C22orf31: variants seen among roughly 807,000 people sequenced by gnomAD.
The protein encoded by C22orf31 is chromosome 22 open reading frame 31, also known as uncharacterized protein C22orf31.
C22orf31 carries 11 observed loss-of-function variants against 15.0 expected under a neutral mutation model. The observed-to-expected ratio is 0.73, with a 90% CI of 0.46 to 1.21. C22orf31 has a LOEUF of 1.21. Ranked by LOEUF, C22orf31 falls within the 50% of genes most tolerant of loss-of-function variation. The pLI is 0.00. For synonymous variants in C22orf31, 132 were observed against 133.3 expected (o/e 0.99, Z 0.07); for missense variants, 340 against 347.2 (o/e 0.98, Z 0.17).
At chr22:29,059,283 A>G in intron 2 of C22orf31, 101 bp from the exon 3 acceptor site, 7 of 866,376 alleles carry the variant, frequency 8.1e-6, no homozygotes, top group Middle Eastern at 2.4e-4. Context: ...TACAGCAACA[A>G]CCAACATTTG....
chr22:29,067,472 C>T, the C22orf31 span, among the ~76,000 whole-genome samples: 1 of 151,810 alleles, frequency 6.6e-6, no homozygotes, highest in Non-Finnish European at 1.5e-5. Context: ...CACAGACTCT[C>T]GCTTTCTCGC....
In C22orf31 at chr22:29,060,413, A is replaced by G; in HGVS notation, c.432+2T>C. 6.2e-7 allele frequency: 1 copy of G among 1,607,798 alleles called. No individual in the cohort carries two copies. Among genetic ancestry groups the G allele is most frequent in the Non-Finnish European group, 8.5e-7 (1 of 1,177,818 alleles). ...TTTTCCCCACCACTGGTCCTCGTCT[A>G]CCTCTCTGATGCCTCCTGCAGGCCT... On this transcript the variant is annotated splice_donor_variant, in intron 2 of 2. Transcript: ENST00000216071. LOFTEE classifies it high-confidence loss of function.
upstream of C22orf31, among the ~76,000 whole-genome samples, chr22:29,062,513 A>T (rs183662345): frequency 3.4e-4 from 52 of 152,214 alleles, no homozygotes; most frequent in East Asian, 9.9e-3. Context: ...TCTTCCTGGG[A>T]ACTCTTGGGC....
chr22:29,070,518 T>A, the C22orf31 span, among the ~76,000 whole-genome samples: 1 of 152,182 alleles, frequency 6.6e-6, no homozygotes, highest in African/African-American at 2.4e-5. Flanking sequence ...GAAACCTGAA[T>A]GAGATGCAGA....
upstream of C22orf31, among the ~76,000 whole-genome samples, chr22:29,065,950 A>G (rs1046299581): frequency 1.3e-5 from 2 of 152,156 alleles, no homozygotes; most frequent in East Asian, 3.9e-4. Flanking sequence ...GTGCTTCCTG[A>G]CATATCTAAA....
chr22:29,063,034 A>T (rs185187133), upstream of C22orf31, among the ~76,000 whole-genome samples: 28 of 152,034 alleles, frequency 1.8e-4, 1 homozygote, highest in African/African-American at 6.8e-4. Flanking sequence ...CAGGAGGGAA[A>T]TGTCAAGCAA....
At chr22:29,071,910 C>T in the C22orf31 span, among the ~76,000 whole-genome samples, 1 of 152,204 alleles carries the variant, frequency 6.6e-6, no homozygotes, top group African/African-American at 2.4e-5. Flanking sequence ...GGGCGTTTTA[C>T]TTGCTTCTAT....
At chr22:29,069,820 C>T in the C22orf31 span, among the ~76,000 whole-genome samples, 1 of 152,112 alleles carries the variant, frequency 6.6e-6, no homozygotes, top group Admixed American at 6.5e-5. Context: ...ATTTCTGAGT[C>T]CTGTTGTACA....
the C22orf31 span, among the ~76,000 whole-genome samples, chr22:29,068,218 A>G: frequency 6.6e-6 from 1 of 151,536 alleles, no homozygotes; most frequent in African/African-American, 2.4e-5. Context: ...AGTAGCTGAC[A>G]TTATAGGCGC....
upstream of C22orf31, among the ~76,000 whole-genome samples, chr22:29,062,916 G>C (rs1314196373): frequency 6.6e-6 from 1 of 152,108 alleles, no homozygotes. Context: ...AATGTCTGGA[G>C]ACTGGGCAGG....
chr22:29,059,653 T>C (rs945722057), intron 2 of C22orf31: 2 of 982,826 alleles, frequency 2.0e-6, no homozygotes, highest in Non-Finnish European at 2.4e-6. Flanking sequence ...TGAACCCTGA[T>C]GGCCTGCTGG....
chr22:29,067,951 T>C, the C22orf31 span, among the ~76,000 whole-genome samples: 2 of 152,098 alleles, frequency 1.3e-5, no homozygotes, highest in Non-Finnish European at 2.9e-5. Context: ...GTAGCAAGCA[T>C]CTGTAGCCCC....
At position 29,058,797 on chromosome 22, in the gene C22orf31, C is replaced by T. The variant is rs868006687; in HGVS notation, c.818G>A (p.Gly273Asp). ...CTTGAGTACAGGCTCCTCGTGGACACCTGGCTGCTTCCTGCCAGGGAACCG... is the reference window on the plus strand; with the variant it reads ...CTTGAGTACAGGCTCCTCGTGGACATCTGGCTGCTTCCTGCCAGGGAACCG... ...RDRFPGRKQP[G>D]VHEEPVLKKW... The change falls in exon 3 of 3, where the codon GGT becomes GAT. Residue 273 changes from glycine to aspartate, a missense_variant. By Grantham distance (94) the Gly-to-Asp change is moderately conservative (BLOSUM62 -1). Transcript: ENST00000216071. The T allele has an allele frequency of 2.4e-5, 38 of 1,614,062 alleles. 1 individual carries two copies. In the Middle Eastern group the frequency reaches 5.4e-3, roughly 230 times the overall value.
At position 29,061,802 on chromosome 22, in the gene C22orf31, GC is replaced by G. The variant is rs2037394752; in HGVS notation, c.-11del. 1 of 1,543,584 alleles carries G rather than the reference GC, an allele frequency of 6.5e-7. No homozygotes were observed. The highest frequency in any genetic ancestry group is 8.9e-7 in the Non-Finnish European group (1 of 1,127,870). Reference sequence around the variant, plus strand: ...AAAATCACCTTACCATATTTCAGTTGCCTTAAATTTTATTTTCGCTAGCTTA... The same window carrying G: ...AAAATCACCTTACCATATTTCAGTTGCTTAAATTTTATTTTCGCTAGCTTA... On this transcript the variant is annotated 5_prime_UTR_variant, in exon 1 of 3. Coordinates refer to ENST00000216071, the MANE Select transcript of C22orf31 (RefSeq NM_015370.2).
the C22orf31 span, among the ~76,000 whole-genome samples, chr22:29,071,262 A>C: frequency 6.6e-6 from 1 of 152,186 alleles, no homozygotes. Flanking sequence ...CTCGGGAATG[A>C]CACATGAAAA....
At chr22:29,070,483 G>C in the C22orf31 span, among the ~76,000 whole-genome samples, 1 of 152,212 alleles carries the variant, frequency 6.6e-6, no homozygotes, top group Admixed American at 6.5e-5. Flanking sequence ...CCAACCTCCT[G>C]GGTGCCCTTC....
At chr22:29,066,836 C>T in the C22orf31 span, among the ~76,000 whole-genome samples, 1 of 152,102 alleles carries the variant, frequency 6.6e-6, no homozygotes, top group Non-Finnish European at 1.5e-5. Flanking sequence ...GCTGGGATTA[C>T]AGGCGGGAGC....
intron 1 of C22orf31, among the ~76,000 whole-genome samples, chr22:29,061,118 G>A (rs1305246014): frequency 1.3e-5 from 2 of 152,082 alleles, no homozygotes; most frequent in Non-Finnish European, 2.9e-5. Flanking sequence ...GGGTTCACAA[G>A]GAATTGAAGA....
At chr22:29,059,496 C>T (rs2037359115) in intron 2 of C22orf31, among the ~76,000 whole-genome samples, 1 of 152,214 alleles carries the variant, frequency 6.6e-6, no homozygotes, top group African/African-American at 2.4e-5. Context: ...CTCTGCCAGG[C>T]TCTGTTCAAA....
Sources: gnomAD v4.1 joint callset for allele counts (sites outside exome capture counted in the v4.1 genomes callset) on GRCh38, gnomAD v4.1.1 for gene constraint, MANE v1.5 for transcripts, NCBI Gene and HGNC (gene_info 2026-07-23, HGNC 2026-07-21) for gene names.